Variants in KHDRBS2 observed in about 807,000 individuals in gnomAD.
KHDRBS2 encodes KH RNA binding domain containing, signal transduction associated 2, also known as KH domain-containing, RNA-binding, signal transduction-associated protein 2.
A neutral mutation model predicts 44.3 loss-of-function variants in KHDRBS2; 26 were observed. That is an observed-to-expected ratio of 0.59 (90% confidence interval 0.43 to 0.81). The LOEUF is 0.81. Ranked by LOEUF, KHDRBS2 falls within the 40% of genes least tolerant of loss-of-function variation. The pLI, the probability that KHDRBS2 is intolerant of heterozygous loss-of-function variation, is 0.00. For missense variants in KHDRBS2, 476 were observed against 433.1 expected (o/e 1.10, Z -0.88); for synonymous variants, 194 against 151.1 (o/e 1.28, Z -2.08).
chr6:62,055,332 T>C (rs1484328762), intron 2 of KHDRBS2, among the ~76,000 whole-genome samples: 1 of 152,006 alleles, frequency 6.6e-6, no homozygotes, highest in African/African-American at 2.4e-5. Flanking sequence ...TATGAGAAAT[T>C]CAATCGCATT....
chr6:61,650,802 T>C, the KHDRBS2 span, among the ~76,000 whole-genome samples: 12 of 152,114 alleles, frequency 7.9e-5, no homozygotes, highest in Non-Finnish European at 1.6e-4. Context: ...AGAGTAATTA[T>C]CATCATTAGG....
At chr6:62,263,028 C>T (rs1838621943) in intron 1 of KHDRBS2, among the ~76,000 whole-genome samples, 1 of 151,658 alleles carries the variant, frequency 6.6e-6, no homozygotes, top group Non-Finnish European at 1.5e-5. Context: ...TGAGTATAAA[C>T]ACTAAAATTA....
rs1836643416 is a variant in KHDRBS2 at position 62,252,091 on chromosome 6, A to C, written c.91+33767T>G. 2.0e-5 allele frequency among the ~76,000 whole-genome samples: 3 copies of C among 151,904 alleles called. No homozygotes were observed. In the South Asian group the frequency reaches 6.2e-4, roughly 31 times the overall value. ...CTAAATTTATGAGGAGAGGTATAAT[A>C]AAATTTTTAGAAATGTGTTCCTTCC... On this transcript the variant is annotated intron_variant, in intron 1 of 8. Transcript: ENST00000281156.
the KHDRBS2 span, among the ~76,000 whole-genome samples, chr6:61,607,247 G>C: frequency 6.6e-6 from 1 of 151,568 alleles, no homozygotes; most frequent in African/African-American, 2.4e-5. Flanking sequence ...TGTGAGCTGA[G>C]AGAATAGCTA....
chr6:61,950,556 T>C (rs963749409), intron 4 of KHDRBS2, among the ~76,000 whole-genome samples: 4 of 151,970 alleles, frequency 2.6e-5, no homozygotes, highest in Admixed American at 1.3e-4. Context: ...GCTATGAAAA[T>C]GTATATTTTC....
At chr6:61,785,702 T>C (rs1309148602) in intron 6 of KHDRBS2, among the ~76,000 whole-genome samples, 1 of 152,120 alleles carries the variant, frequency 6.6e-6, no homozygotes, top group Non-Finnish European at 1.5e-5. Context: ...ATTTTCTGTA[T>C]GTTTTAAAAA....
At chr6:61,939,466 T>C (rs550290865) in intron 4 of KHDRBS2, among the ~76,000 whole-genome samples, 25 of 152,350 alleles carry the variant, frequency 1.6e-4, no homozygotes, top group African/African-American at 5.5e-4. Flanking sequence ...TTGAAAGTTT[T>C]TTTTCACAGA....
chr6:61,909,502 A>C (rs190884075), intron 4 of KHDRBS2, among the ~76,000 whole-genome samples: 1 of 152,334 alleles, frequency 6.6e-6, no homozygotes, highest in East Asian at 1.9e-4. Flanking sequence ...ATTCACAATA[A>C]TTTTACATGT....
chr6:61,889,142 C>A (rs887668550), intron 6 of KHDRBS2, among the ~76,000 whole-genome samples: 1 of 152,094 alleles, frequency 6.6e-6, no homozygotes, highest in Non-Finnish European at 1.5e-5. Flanking sequence ...CTTTTATTAA[C>A]AACAATATTC....
At chr6:61,943,265 C>T (rs1001689390) in intron 4 of KHDRBS2, among the ~76,000 whole-genome samples, 4 of 151,952 alleles carry the variant, frequency 2.6e-5, no homozygotes, top group African/African-American at 9.7e-5. Context: ...GGGAGTCCTA[C>T]ACCTGGAGGA....
intron 6 of KHDRBS2, among the ~76,000 whole-genome samples, chr6:61,806,710 C>T (rs1787224835): frequency 6.6e-6 from 1 of 151,810 alleles, no homozygotes; most frequent in Admixed American, 6.6e-5. Flanking sequence ...TTGATGTAAT[C>T]TAGTTACTAG....
At chr6:62,101,057 C>A (rs1023987369) in intron 2 of KHDRBS2, among the ~76,000 whole-genome samples, 3 of 152,084 alleles carry the variant, frequency 2.0e-5, no homozygotes, top group African/African-American at 7.2e-5. Context: ...TTTTTTACAG[C>A]AAGACAAGCA....
intron 6 of KHDRBS2, among the ~76,000 whole-genome samples, chr6:61,831,220 A>T (rs1476317333): frequency 4.6e-5 from 7 of 152,148 alleles, no homozygotes; most frequent in Non-Finnish European, 1.0e-4. Context: ...TTTAAAGGAC[A>T]TTTCAAATGA....
chr6:62,088,963 G>A (rs1419497966), intron 2 of KHDRBS2, among the ~76,000 whole-genome samples: 1 of 152,140 alleles, frequency 6.6e-6, no homozygotes, highest in African/African-American at 2.4e-5. Context: ...CAGTGGATTT[G>A]CCCAGTGGCA....
chr6:61,948,406 A>G (rs1269625821), intron 4 of KHDRBS2, among the ~76,000 whole-genome samples: 1 of 152,056 alleles, frequency 6.6e-6, no homozygotes, highest in Non-Finnish European at 1.5e-5. Flanking sequence ...AACTTAGTCA[A>G]TGTTTAAAAT....
At chr6:62,205,710 T>C (rs1827834319) in intron 1 of KHDRBS2, among the ~76,000 whole-genome samples, 1 of 152,100 alleles carries the variant, frequency 6.6e-6, no homozygotes, top group African/African-American at 2.4e-5. Flanking sequence ...ACAGGTTTCC[T>C]TTCTCAGCAA....
At chr6:61,757,370 A>G (rs769778073) in intron 6 of KHDRBS2, among the ~76,000 whole-genome samples, 1 of 152,106 alleles carries the variant, frequency 6.6e-6, no homozygotes, top group Non-Finnish European at 1.5e-5. Flanking sequence ...TAGGGGTTCC[A>G]GTTTTGTCAC....
At chr6:61,547,566 C>A in the KHDRBS2 span, among the ~76,000 whole-genome samples, 1 of 152,000 alleles carries the variant, frequency 6.6e-6, no homozygotes, top group African/African-American at 2.4e-5. Flanking sequence ...TGTGGCTGAC[C>A]AAGTCATGTT....
rs180751402 is a variant in KHDRBS2 at position 61,794,590 on chromosome 6, T to C, written c.811-61826A>G. ...TTAATATTTTTTTCTCTAAAAATAT[T>C]TGAAATTTCATCAAATGCCATAAAA... On this transcript the variant is annotated intron_variant, in intron 6 of 8. Coordinates refer to ENST00000281156, the MANE Select transcript of KHDRBS2 (RefSeq NM_152688.4). Among the ~76,000 whole-genome samples, 254 of 152,236 alleles carry C rather than the reference T, an allele frequency of 1.7e-3. 6 individuals carry two copies. Among genetic ancestry groups the C allele is most frequent in the Admixed American group, 0.014 (218 of 15,284 alleles).
Sources: gnomAD v4.1 joint callset for allele counts (sites outside exome capture counted in the v4.1 genomes callset) on GRCh38, gnomAD v4.1.1 for gene constraint, MANE v1.5 for transcripts, NCBI Gene and HGNC (gene_info 2026-07-23, HGNC 2026-07-21) for gene names.